Variants in MPHOSPH8 observed in about 807,000 individuals in gnomAD.
The protein encoded by MPHOSPH8 is M-phase phosphoprotein, mpp.
In MPHOSPH8, 45 loss-of-function variants were observed where a neutral mutation model predicts 87.3. The observed-to-expected ratio is 0.52, with a 90% CI of 0.41 to 0.66. The LOEUF (loss-of-function observed/expected upper bound fraction) is 0.66. Among genes scored for constraint, MPHOSPH8 ranks in the 30% least tolerant of loss-of-function variants. The pLI is 0.00. For missense variants in MPHOSPH8, 883 were observed against 1,020.2 expected, an observed-to-expected ratio of 0.87 and a Z score of 1.83; for synonymous variants, 366 against 376.9, an observed-to-expected ratio of 0.97 and a Z score of 0.33.
intron 1 of MPHOSPH8, among the ~76,000 whole-genome samples, chr13:19,635,783 T>C (rs997524211): frequency 2.0e-5 from 3 of 152,206 alleles, no homozygotes; most frequent in Admixed American, 6.5e-5. Context: ...TTAAAGATGA[T>C]ATGGTTTGGC....
chr13:19,658,515 A>G (rs535704458), intron 5 of MPHOSPH8, among the ~76,000 whole-genome samples: 40 of 152,278 alleles, frequency 2.6e-4, no homozygotes, highest in Admixed American at 2.6e-3. Flanking sequence ...GGAGGCTTCC[A>G]GATGTAGGGG....
chr13:19,658,600 G>C (rs1173538093), intron 5 of MPHOSPH8, among the ~76,000 whole-genome samples: 1 of 152,182 alleles, frequency 6.6e-6, no homozygotes, highest in Non-Finnish European at 1.5e-5. Flanking sequence ...GCTGAGAATG[G>C]CTTTATCTGT....
intron 9 of MPHOSPH8, among the ~76,000 whole-genome samples, chr13:19,664,789 A>T (rs960082265): frequency 1.3e-5 from 2 of 151,474 alleles, no homozygotes; most frequent in African/African-American, 4.9e-5. Context: ...ACCTCTGTAC[A>T]TTTCACAGGG....
intron 11 of MPHOSPH8, 95 bp from the exon 12 acceptor site, chr13:19,670,141 C>A: frequency 6.8e-7 from 1 of 1,481,286 alleles, no homozygotes; most frequent in Non-Finnish European, 9.3e-7. Flanking sequence ...TCTGACCAGG[C>A]CCAGCTCAGG....
intron 7 of MPHOSPH8, among the ~76,000 whole-genome samples, chr13:19,659,954 G>GC (rs1565941190): frequency 2.5e-5 from 3 of 121,070 alleles, no homozygotes; most frequent in African/African-American, 9.1e-5. Flanking sequence ...GATATGTATG[G>GC]ATTTTTTTTT....
intron 1 of MPHOSPH8, among the ~76,000 whole-genome samples, chr13:19,641,321 ATTTTT>A (rs35454448): frequency 9.4e-6 from 1 of 106,490 alleles, no homozygotes. Flanking sequence ...TGCCCAGCTA[ATTTTT>A]TTTTTTTTTT....
At chr13:19,636,278 T>A (rs1874002943) in intron 1 of MPHOSPH8, among the ~76,000 whole-genome samples, 2 of 152,164 alleles carry the variant, frequency 1.3e-5, no homozygotes, top group South Asian at 4.1e-4. Context: ...CTCCTTATAG[T>A]CTAGTCTATA....
At chr13:19,656,708 T>C (rs2137527862) in intron 5 of MPHOSPH8, among the ~76,000 whole-genome samples, 1 of 152,186 alleles carries the variant, frequency 6.6e-6, no homozygotes. Context: ...TGCAGTGAGC[T>C]GAGATCGTGC....
rs1456976671 is a variant in MPHOSPH8 at position 19,650,135 on chromosome 13, A to C, written c.1451A>C (p.Lys484Thr). 1 of 1,614,172 alleles carries C rather than the reference A, an allele frequency of 6.2e-7. No individual in the cohort carries two copies. The highest frequency in any genetic ancestry group is 1.1e-5 in the South Asian group (1 of 91,076). ...DFKTIDDHKT[K>T]ENKQSLKERR... ...AAAACCATAGACGATCACAAAACCA[A>C]GGAAAACAAACAGTCACTTAAAGAA... Residue 484 changes from lysine to threonine, a missense_variant, in exon 5 of 14, where the codon AAG (lysine) becomes ACG (threonine). Around this residue, in one of 3 missense-constraint regions of MPHOSPH8, gnomAD observed 741 missense variants for 841.5 expected, o/e 0.88. Transcript: ENST00000361479.
At chr13:19,657,121 CAAAAA>C (rs11383127) in intron 5 of MPHOSPH8, among the ~76,000 whole-genome samples, 1 of 70,086 alleles carries the variant, frequency 1.4e-5, no homozygotes, top group Non-Finnish European at 2.4e-5. Flanking sequence ...AACTCTGTCT[CAAAAA>C]AAAAAAAAAA....
chr13:19,634,237 T>A (rs1283451012), intron 1 of MPHOSPH8, among the ~76,000 whole-genome samples: 1 of 152,214 alleles, frequency 6.6e-6, no homozygotes, highest in Non-Finnish European at 1.5e-5. Context: ...ATCACAAGGC[T>A]GCAGGCAGCT....
chr13:19,652,142 A>G (rs1413943036), intron 5 of MPHOSPH8, among the ~76,000 whole-genome samples: 1 of 152,184 alleles, frequency 6.6e-6, no homozygotes, highest in African/African-American at 2.4e-5. Context: ...TGCTGGCAAG[A>G]TGGCCGAATA....
chr13:19,637,463 G>A (rs1874066236), intron 1 of MPHOSPH8, among the ~76,000 whole-genome samples: 1 of 151,720 alleles, frequency 6.6e-6, no homozygotes, highest in South Asian at 2.1e-4. Flanking sequence ...TGTTTTTAAG[G>A]GCTATGTTGA....
intron 11 of MPHOSPH8, among the ~76,000 whole-genome samples, chr13:19,668,848 G>C (rs936624340): frequency 4.6e-5 from 7 of 152,152 alleles, no homozygotes; most frequent in African/African-American, 1.7e-4. Context: ...GTTTGTAATA[G>C]TCTTTGCCCT....
Position 19,671,866 on chromosome 13 carries a change from G to A in MPHOSPH8, c.2574G>A (p.Gln858=). 1.9e-6 allele frequency: 3 copies of A among 1,614,124 alleles called. No individual in the cohort carries two copies. Among genetic ancestry groups the A allele is most frequent in the Non-Finnish European group, 2.5e-6 (3 of 1,179,950 alleles). The change falls in exon 14 of 14, where the codon CAG becomes CAA. Residue 858 remains glutamine (Q), a synonymous_variant. Coordinates refer to ENST00000361479, the MANE Select transcript of MPHOSPH8 (RefSeq NM_017520.4). ...VKLLIGAYRV[Q]LQ ...TGCTAATAGGTGCATACAGAGTGCAGCTGCAGTGACCAAACAGAAGGGACT... is the reference window on the plus strand; with the variant it reads ...TGCTAATAGGTGCATACAGAGTGCAACTGCAGTGACCAAACAGAAGGGACT...
chr13:19,634,280 T>C (rs1393030068), intron 1 of MPHOSPH8, among the ~76,000 whole-genome samples: 2 of 152,168 alleles, frequency 1.3e-5, no homozygotes, highest in Non-Finnish European at 2.9e-5. Context: ...TGGCGTGATA[T>C]GATAGTGAAG....
Position 19,668,260 on chromosome 13 carries a change from C to A in MPHOSPH8, c.2175-117C>A, listed in dbSNP as rs902379442. On this transcript the variant is annotated intron_variant, in intron 10 of 13. Transcript: ENST00000361479. ...TGGAAGTAGAGCTGGAAAGCGGAGG[C>A]AGGCAGAGCTGCAGGTCTTTGTTTG... The A allele has an allele frequency of 6.2e-6, 5 of 808,484 alleles. No individual in the cohort carries two copies. In the African/African-American group the frequency reaches 6.9e-5, roughly 11 times the overall value. The allele number at this position is 808,484 out of a possible 1,614,324, so 50.1% of individuals were successfully genotyped here.
intron 2 of MPHOSPH8, among the ~76,000 whole-genome samples, chr13:19,643,945 C>T (rs1362668723): frequency 1.3e-5 from 2 of 152,162 alleles, no homozygotes; most frequent in Non-Finnish European, 2.9e-5. Context: ...TGCATGTCCT[C>T]ATTTACTAAA....
At chr13:19,651,819 G>T (rs9315018) in intron 5 of MPHOSPH8, among the ~76,000 whole-genome samples, 16,241 of 152,068 alleles carry the variant, frequency 0.11, 1,061 homozygotes, top group African/African-American at 0.18. Flanking sequence ...GAACATGAGG[G>T]CTGGGCACGG....
Sources: gnomAD v4.1 joint callset for allele counts (sites outside exome capture counted in the v4.1 genomes callset) on GRCh38, gnomAD v4.1.1 for gene constraint, gnomAD v4.1.1 regional missense constraint, MANE v1.5 for transcripts, NCBI Gene and HGNC (gene_info 2026-07-23, HGNC 2026-07-21) for gene names.